The following ZNF595 variants were observed in gnomAD, a reference collection of about 807,000 sequenced individuals.
ZNF595 encodes the protein zinc finger protein 595.
In ZNF595, 9 loss-of-function variants were observed where a neutral mutation model predicts 19.4. The observed-to-expected ratio is 0.46, with a 90% CI of 0.28 to 0.81. ZNF595 has a LOEUF of 0.81. Ranked by LOEUF, ZNF595 falls within the 30% of genes least tolerant of loss-of-function variation. The pLI is 0.11. For synonymous variants in ZNF595, 255 were observed against 255.9 expected, an observed-to-expected ratio of 1.00 and a Z score of 0.03; for missense variants, 729 against 736.0, an observed-to-expected ratio of 0.99 and a Z score of 0.11.
chr4:71,005 CTTT>C (rs1713406275), intron 3 of ZNF595, among the ~76,000 whole-genome samples: 1 of 151,802 alleles, frequency 6.6e-6, no homozygotes, highest in Non-Finnish European at 1.5e-5. Flanking sequence ...CTTTTTTTGT[CTTT>C]TTAAATTTCT....
chr4:77,077 A>G (rs1284413535), intron 3 of ZNF595, among the ~76,000 whole-genome samples: 3 of 151,972 alleles, frequency 2.0e-5, no homozygotes, highest in African/African-American at 4.8e-5. Context: ...TAAAATATGT[A>G]CATTTTTACA....
intron 3 of ZNF595, among the ~76,000 whole-genome samples, chr4:74,011 A>G (rs188278727): frequency 1.2e-4 from 19 of 152,290 alleles, no homozygotes; most frequent in Admixed American, 3.9e-4. Context: ...ATTTGGTGTT[A>G]GAATAAAGAT....
chr4:82,282 C>A (rs1484124608), intron 3 of ZNF595, among the ~76,000 whole-genome samples: 5 of 151,402 alleles, frequency 3.3e-5, no homozygotes, highest in Admixed American at 2.0e-4. Context: ...ATCGAACAGT[C>A]CAGATATCTT....
chr4:85,206 A>T (rs1250925618), intron 3 of ZNF595, among the ~76,000 whole-genome samples: 1 of 152,160 alleles, frequency 6.6e-6, no homozygotes, highest in African/African-American at 2.4e-5. Context: ...TATTCCCTGT[A>T]TTTAACACTG....
Position 86,892 on chromosome 4 carries a change from G to A in ZNF595, c.1388G>A (p.Arg463Gln), listed in dbSNP as rs372905683. Residue 463 changes from arginine (R) to glutamine (Q), a missense_variant, in exon 4 of 4, where the codon CGG becomes CAG. Around this residue, in one of 2 missense-constraint regions of ZNF595, gnomAD observed 729 missense variants for 675.3 expected, o/e 1.08. Transcript: ENST00000610261. Reference sequence around the variant, plus strand: ...GAAGAATGTGGCAAAGCCTTTACACGGTCCACAACACTGAACGAACATAAG... The same window carrying A: ...GAAGAATGTGGCAAAGCCTTTACACAGTCCACAACACTGAACGAACATAAG... ...KCEECGKAFT[R>Q]STTLNEHKKI... The A allele has an allele frequency of 2.2e-5, 36 of 1,610,896 alleles. No individual in the cohort carries two copies. Among genetic ancestry groups the A allele is most frequent in the East Asian group, 4.5e-5 (2 of 44,714 alleles).
chr4:74,749 C>T (rs1446890441), intron 3 of ZNF595, among the ~76,000 whole-genome samples: 1 of 152,138 alleles, frequency 6.6e-6, no homozygotes, highest in Non-Finnish European at 1.5e-5. Context: ...TGATTGCATT[C>T]TTTTGAGTTT....
intron 3 of ZNF595, among the ~76,000 whole-genome samples, chr4:81,575 A>T (rs375309710): frequency 6.6e-6 from 1 of 152,332 alleles, no homozygotes; most frequent in East Asian, 1.9e-4. Flanking sequence ...ACAATCTTAA[A>T]TATTTTTAAA....
intron 3 of ZNF595, among the ~76,000 whole-genome samples, chr4:77,768 G>A (rs1223683530): frequency 6.6e-6 from 1 of 151,816 alleles, no homozygotes; most frequent in Admixed American, 6.5e-5. Context: ...ACTGGCCTGA[G>A]ACAAAAAAAA....
rs1714240801 is a variant in ZNF595, at chr4:87,085, G to T, written c.1581G>T (p.Arg527Ser). The T allele has an allele frequency of 1.2e-6, 2 of 1,613,866 alleles. No individual in the cohort carries two copies. The highest frequency in any genetic ancestry group is 1.7e-6 in the Non-Finnish European group (2 of 1,179,944). ...FNQSSGLIIH[R>S]SIHSEQKLYK... ...AATCCTCAGGCCTTATTATACACAGGAGCATTCATTCTGAACAAAAACTTT... is the reference window on the plus strand; with the variant it reads ...AATCCTCAGGCCTTATTATACACAGTAGCATTCATTCTGAACAAAAACTTT... Residue 527 changes from arginine to serine, a missense_variant, in exon 4 of 4, where the codon AGG becomes AGT. Coordinates refer to ENST00000610261, the MANE Select transcript of ZNF595 (RefSeq NM_182524.4).
intron 3 of ZNF595, among the ~76,000 whole-genome samples, chr4:78,123 C>G (rs1423502676): frequency 6.6e-6 from 1 of 152,182 alleles, no homozygotes; most frequent in Non-Finnish European, 1.5e-5. Context: ...ATTCTCCTGT[C>G]TCAGCCTCCC....
At position 74,630 on chromosome 4, in the gene ZNF595, T is replaced by C. The variant is rs571787465; in HGVS notation, c.227-11101T>C. 2.0e-5 allele frequency among the ~76,000 whole-genome samples: 3 copies of C among 152,332 alleles called. 1 individual carries two copies. The highest frequency in any genetic ancestry group is 7.2e-5 in the African/African-American group (3 of 41,558). On this transcript the variant is annotated intron_variant, in intron 3 of 3. Transcript: ENST00000610261. ...GAGACATAAGGCAGCAATCGATATA[T>C]GTAAGAAGTACATTGATTCGGTCTG...
At chr4:84,009 C>A (rs1367013454) in intron 3 of ZNF595, among the ~76,000 whole-genome samples, 1 of 151,950 alleles carries the variant, frequency 6.6e-6, no homozygotes, top group African/African-American at 2.4e-5. Context: ...CATACAGATA[C>A]TTACTTTTTG....
intron 3 of ZNF595, among the ~76,000 whole-genome samples, chr4:73,967 T>C (rs139363169): frequency 9.9e-4 from 151 of 152,214 alleles, no homozygotes; most frequent in African/African-American, 3.5e-3. Flanking sequence ...CAGTTGGTGA[T>C]AGAAGTTTGG....
In ZNF595 at chr4:87,565, C is replaced by A; in HGVS notation, c.*114C>A. 1 of 994,034 alleles carries A rather than the reference C, an allele frequency of 1.0e-6. No individual in the cohort carries two copies. The allele number at this position is 994,034 out of a possible 1,614,324, so 61.6% of individuals were successfully genotyped here. ...TCTTATTTTAAATTTTTTAAAATTT[C>A]TGTAGGTACATAGTATGTGTATCTA... On this transcript the variant is annotated 3_prime_UTR_variant, in exon 4 of 4. Coordinates refer to ENST00000610261, the MANE Select transcript of ZNF595 (RefSeq NM_182524.4).
At chr4:79,867 AAT>A (rs1553799532) in intron 3 of ZNF595, among the ~76,000 whole-genome samples, 1 of 151,852 alleles carries the variant, frequency 6.6e-6, no homozygotes, top group Non-Finnish European at 1.5e-5. Context: ...TAAGCAAAAA[AAT>A]GTTTTTCAAA....
At position 87,150 on chromosome 4, in the gene ZNF595, C is replaced by T; in HGVS notation, c.1646C>T (p.Thr549Ile). The change falls in exon 4 of 4, where the codon ACA becomes ATA. Residue 549 changes from threonine (T) to isoleucine (I), a missense_variant. Coordinates refer to ENST00000610261, the MANE Select transcript of ZNF595 (RefSeq NM_182524.4). ...EECGKAFTRS[T>I]ALNEHKKIHS... is the part of the protein sequence containing the mutation. ...TGTGGCAAAGCCTTTACTCGGTCCACAGCCCTGAATGAACATAAGAAAATT... is the reference window on the plus strand; with the variant it reads ...TGTGGCAAAGCCTTTACTCGGTCCATAGCCCTGAATGAACATAAGAAAATT... The T allele has an allele frequency of 6.2e-7, 1 of 1,614,086 alleles. No individual in the cohort carries two copies.
chr4:77,778 A>T (rs947252771), intron 3 of ZNF595, among the ~76,000 whole-genome samples: 2 of 152,176 alleles, frequency 1.3e-5, no homozygotes, highest in African/African-American at 2.4e-5. Flanking sequence ...GACAAAAAAA[A>T]ATCCAATTAT....
chr4:85,270 C>G (rs1364039809), intron 3 of ZNF595, among the ~76,000 whole-genome samples: 1 of 152,208 alleles, frequency 6.6e-6, no homozygotes, highest in East Asian at 1.9e-4. Context: ...AGCTGTTCTT[C>G]CAAAGTATAG....
At chr4:82,102 A>G (rs901503785) in intron 3 of ZNF595, among the ~76,000 whole-genome samples, 2 of 152,070 alleles carry the variant, frequency 1.3e-5, no homozygotes, top group Admixed American at 6.5e-5. Context: ...TTAGCTTTGT[A>G]TATGTTTTGA....
Sources: allele counts gnomAD v4.1 joint callset (sites outside exome capture counted in the v4.1 genomes callset), GRCh38; gene constraint gnomAD v4.1.1; regional missense constraint gnomAD v4.1.1; transcripts MANE v1.5; gene names NCBI Gene and HGNC (gene_info 2026-07-23, HGNC 2026-07-21).